Variants in INPP4B observed in about 807,000 individuals in gnomAD.
The protein encoded by INPP4B is inositol polyphosphate 4-phosphatase type II.
A neutral mutation model predicts 122.5 loss-of-function variants in INPP4B; 55 were observed. That is an observed-to-expected ratio of 0.45 (90% CI 0.36 to 0.56). INPP4B has a LOEUF of 0.56. Ranked by LOEUF, INPP4B falls within the 20% of genes least tolerant of loss-of-function variation. The probability of loss-of-function intolerance (pLI) is 0.00; values close to 1 mark genes in which losing one functional copy is unlikely to be tolerated. For missense variants in INPP4B, 1,000 were observed against 1,097.7 expected, an observed-to-expected ratio of 0.91 and a Z score of 1.26; for synonymous variants, 403 against 388.7, an observed-to-expected ratio of 1.04 and a Z score of -0.43.
chr4:142,213,086 G>A (rs1845574356), intron 12 of INPP4B, among the ~76,000 whole-genome samples: 1 of 152,142 alleles, frequency 6.6e-6, no homozygotes. Flanking sequence ...TCCCTTAGTA[G>A]AAGCAATATT....
chr4:142,654,505 C>G (rs1442875733), intron 2 of INPP4B: 1 of 151,814 alleles, frequency 6.6e-6, no homozygotes, highest in Non-Finnish European at 1.5e-5. Flanking sequence ...GTTACAAACT[C>G]TGTGGATTTA....
At position 142,264,677 on chromosome 4, in the gene INPP4B, T is replaced by C. The variant is rs1293058634; in HGVS notation, c.616-4113A>G. On this transcript the variant is annotated intron_variant, in intron 10 of 25. Coordinates refer to ENST00000262992, the MANE Select transcript of INPP4B (RefSeq NM_001101669.3). The stretch of plus-strand genomic sequence containing the variant: ...AGAAGAAAGAGTTTGGATTTTCACT[T>C]ATATTTTATTCCATGCTCTGGAATT... Among the ~76,000 whole-genome samples, 9 of 152,292 alleles carry C rather than the reference T, an allele frequency of 5.9e-5. No homozygotes were observed. In the South Asian group the frequency reaches 1.7e-3, roughly 28 times the overall value.
chr4:142,497,841 G>A (rs1580214578), intron 2 of INPP4B, among the ~76,000 whole-genome samples: 1 of 151,914 alleles, frequency 6.6e-6, no homozygotes, highest in African/African-American at 2.4e-5. Flanking sequence ...CTCCATTAAG[G>A]AGTCCACCCT....
chr4:142,558,788 C>A (rs1410996832), intron 2 of INPP4B, among the ~76,000 whole-genome samples: 3 of 99,070 alleles, frequency 3.0e-5, no homozygotes, highest in African/African-American at 4.4e-5. Context: ...GAGCAAGACT[C>A]CCTCTAAAAA....
chr4:142,271,025 G>A (rs3102444), intron 9 of INPP4B, among the ~76,000 whole-genome samples: 121,163 of 151,326 alleles, frequency 0.8, 48,988 homozygotes, highest in East Asian at 0.93. Context: ...GTGTAATGGC[G>A]TGATCTCAGC....
chr4:142,209,515 G>A (rs766021312), intron 12 of INPP4B, among the ~76,000 whole-genome samples: 12 of 151,722 alleles, frequency 7.9e-5, no homozygotes, highest in Non-Finnish European at 1.3e-4. Context: ...AAGCCCGGCC[G>A]GGCACGGTGG....
intron 2 of INPP4B, among the ~76,000 whole-genome samples, chr4:142,572,073 T>A (rs1376194018): frequency 6.6e-6 from 1 of 152,172 alleles, no homozygotes; most frequent in Non-Finnish European, 1.5e-5. Flanking sequence ...TCTTGGATTG[T>A]CAGTAGTAGG....
At chr4:142,380,030 C>A (rs1477544850) in intron 7 of INPP4B, among the ~76,000 whole-genome samples, 1 of 152,222 alleles carries the variant, frequency 6.6e-6, no homozygotes, top group Non-Finnish European at 1.5e-5. Flanking sequence ...AGGGAAATAA[C>A]TTGAGGCAGA....
At chr4:142,785,387 A>C (rs1775612533) in intron 1 of INPP4B, among the ~76,000 whole-genome samples, 1 of 152,042 alleles carries the variant, frequency 6.6e-6, no homozygotes, top group Admixed American at 6.6e-5. Flanking sequence ...TATCAGATAA[A>C]AAAATTAAAA....
At chr4:142,314,986 T>C (rs960679) in intron 7 of INPP4B, among the ~76,000 whole-genome samples, 66,242 of 152,080 alleles carry the variant, frequency 0.44, 15,108 homozygotes, top group Non-Finnish European at 0.52. Context: ...ACTCCATCTA[T>C]TTATCTAATA....
Position 142,105,776 on chromosome 4 carries a change from C to T in INPP4B, c.2374+2317G>A, listed in dbSNP as rs572348185. ...GACAGCAATATGTTTAAGAAATTAA[C>T]CTATCCTTTAACATTGACACAAATT... is the stretch of plus-strand genomic sequence containing the variant. On this transcript the variant is annotated intron_variant, in intron 23 of 25. Transcript: ENST00000262992. Among the ~76,000 whole-genome samples, 5 of 152,212 alleles carry T rather than the reference C, an allele frequency of 3.3e-5. No homozygotes were observed. In the South Asian group the frequency reaches 1.0e-3, roughly 32 times the overall value.
At chr4:142,542,956 T>C (rs1370614433) in intron 2 of INPP4B, among the ~76,000 whole-genome samples, 1 of 152,134 alleles carries the variant, frequency 6.6e-6, no homozygotes, top group Non-Finnish European at 1.5e-5. Context: ...AAAAGGTAGA[T>C]GTTCAGAGAA....
chr4:142,831,273 T>A (rs1348665787), intron 1 of INPP4B, among the ~76,000 whole-genome samples: 2 of 152,152 alleles, frequency 1.3e-5, no homozygotes, highest in African/African-American at 4.8e-5. Context: ...CAGATCTAAG[T>A]CACAGTTGCC....
chr4:142,355,514 G>A (rs1197962738), intron 7 of INPP4B, among the ~76,000 whole-genome samples: 1 of 151,860 alleles, frequency 6.6e-6, no homozygotes, highest in East Asian at 1.9e-4. Context: ...ATCATAACTG[G>A]CACTCACTAA....
intron 2 of INPP4B, among the ~76,000 whole-genome samples, chr4:142,578,545 AT>A (rs1734328532): frequency 6.6e-6 from 1 of 151,796 alleles, no homozygotes; most frequent in South Asian, 2.1e-4. Flanking sequence ...TTCACATGGT[AT>A]TTCCTCTGTG....
At chr4:142,260,771 A>G (rs549838763) in intron 10 of INPP4B, among the ~76,000 whole-genome samples, 19 of 152,320 alleles carry the variant, frequency 1.2e-4, no homozygotes, top group Admixed American at 2.6e-4. Flanking sequence ...ATATGCTTAT[A>G]TTAGATAATT....
intron 7 of INPP4B, among the ~76,000 whole-genome samples, chr4:142,400,476 C>T (rs2149126644): frequency 6.6e-6 from 1 of 152,274 alleles, no homozygotes; most frequent in Non-Finnish European, 1.5e-5. Flanking sequence ...CTTTAAGCCA[C>T]TTGCTGCCTT....
chr4:142,402,454 GT>G (rs1388371527), intron 7 of INPP4B, among the ~76,000 whole-genome samples: 1 of 152,134 alleles, frequency 6.6e-6, no homozygotes, highest in Non-Finnish European at 1.5e-5. Flanking sequence ...AGCAGTTAAC[GT>G]TTCTTCCTAC....
chr4:142,410,802 T>G (rs568182853), intron 5 of INPP4B, among the ~76,000 whole-genome samples: 1 of 152,318 alleles, frequency 6.6e-6, no homozygotes, highest in African/African-American at 2.4e-5. Context: ...CCCTTTAAAT[T>G]ATTATTGACA....
Sources: allele counts gnomAD v4.1 joint callset (sites outside exome capture counted in the v4.1 genomes callset), GRCh38; gene constraint gnomAD v4.1.1; transcripts MANE v1.5; gene names NCBI Gene and HGNC (gene_info 2026-07-23, HGNC 2026-07-21).